KIR2DL3: variants seen among roughly 807,000 people sequenced by gnomAD.
KIR2DL3 encodes the protein killer cell immunoglobulin-like receptor 2DL3.
In KIR2DL3, 39 loss-of-function variants were observed where a neutral mutation model predicts 33.8. The observed-to-expected ratio is 1.15, with a 90% confidence interval of 0.89 to 1.51. KIR2DL3 has a LOEUF of 1.51. Among genes scored for constraint, KIR2DL3 ranks in the 40% most tolerant of loss-of-function variants. The pLI, the probability that KIR2DL3 is intolerant of heterozygous loss-of-function variation, is 0.00. For missense variants in KIR2DL3, 462 were observed against 426.2 expected (o/e 1.08, Z -0.74); for synonymous variants, 174 against 160.2 (o/e 1.09, Z -0.65).
chr19:54,752,333 C>A lies in KIR2DL3; in HGVS notation c.874-34C>A, dbSNP rs1209931054. On this transcript the variant is annotated intron_variant, in intron 7 of 7. Coordinates refer to ENST00000342376, the MANE Select transcript of KIR2DL3 (RefSeq NM_015868.3). ...CCCAAAGAGTCCTGGAAAATGTGAG[C>A]ACCCTCCCTCACTCAGCATTTCCCT... The A allele has an allele frequency of 7.4e-6, 11 of 1,480,222 alleles. 3 individuals carry two copies. The highest frequency in any genetic ancestry group is 7.4e-6 in the Non-Finnish European group (8 of 1,084,674). The allele number at this position is 1,480,222 out of a possible 1,614,324, so 91.7% of individuals were successfully genotyped here.
At chr19:54,739,689 C>G (rs2070641832) in intron 2 of KIR2DL3, 147 bp downstream of exon 2, 3 of 1,373,220 alleles carry the variant, frequency 2.2e-6, no homozygotes, top group Admixed American at 1.8e-5. Flanking sequence ...CCTCGCCTCC[C>G]TGGCCTCTCA....
At chr19:54,747,959 G>A (rs2072818721) in intron 5 of KIR2DL3, among the ~76,000 whole-genome samples, 1 of 152,150 alleles carries the variant, frequency 6.6e-6, no homozygotes, top group South Asian at 2.1e-4. Flanking sequence ...AAGATTCGTG[G>A]GTGAAAACAA....
chr19:54,739,312 G>A lies in KIR2DL3; in HGVS notation c.35-195G>A, dbSNP rs13344481. Reference sequence around the variant, plus strand: ...AGCCTGGAGTGGAGATATGGGCTTGGGGTGGGGATATGGGCCTGGAAACTG... The same window carrying A: ...AGCCTGGAGTGGAGATATGGGCTTGAGGTGGGGATATGGGCCTGGAAACTG... On this transcript the variant is annotated intron_variant, in intron 1 of 7. Coordinates refer to ENST00000342376, the MANE Select transcript of KIR2DL3 (RefSeq NM_015868.3). Among the ~76,000 whole-genome samples the A allele has an allele frequency of 2.1e-5, 3 of 144,214 alleles. No individual in the cohort carries two copies. In the Admixed American group the frequency reaches 2.1e-4, roughly 10 times the overall value. 94.6% of individuals were successfully genotyped at this position (144,214 alleles called of 152,430 possible). A position where few individuals can be genotyped will look rare whatever the true frequency, so the allele number is the denominator to read the frequency against.
intron 5 of KIR2DL3, among the ~76,000 whole-genome samples, chr19:54,747,937 A>G (rs2072816294): frequency 6.6e-6 from 1 of 152,200 alleles, no homozygotes. Flanking sequence ...TGTTGCCATA[A>G]CAAATTTCCA....
At chr19:54,740,631 C>A (rs2070872340) in intron 2 of KIR2DL3, among the ~76,000 whole-genome samples, 1 of 151,556 alleles carries the variant, frequency 6.6e-6, no homozygotes, top group African/African-American at 2.4e-5. Flanking sequence ...CCTTGAGGGT[C>A]CCATCACGCA....
At chr19:54,741,028 T>A (rs2070980197) in intron 2 of KIR2DL3, among the ~76,000 whole-genome samples, 1 of 151,748 alleles carries the variant, frequency 6.6e-6, no homozygotes, top group African/African-American at 2.4e-5. Flanking sequence ...TGCAGATGCC[T>A]TGATTTTAGC....
chr19:54,739,554 T>A lies in KIR2DL3; in HGVS notation c.70+12T>A. On this transcript the variant is annotated intron_variant, in intron 2 of 7. Transcript: ENST00000342376. ...CTGGCCACATGAGGGTGAGTCCTTC[T>A]CCAAACCTTCGGGTGTCATCTCCCC... The A allele has an allele frequency of 6.2e-7, 1 of 1,613,936 alleles. No individual in the cohort carries two copies. The highest frequency in any genetic ancestry group is 8.5e-7 in the Non-Finnish European group (1 of 1,179,888).
intron 1 of KIR2DL3, among the ~76,000 whole-genome samples, chr19:54,739,128 A>G (rs2070454386): frequency 7.1e-6 from 1 of 141,498 alleles, no homozygotes; most frequent in Admixed American, 7.0e-5. Context: ...CTGGGTGTGG[A>G]GATATGGGAC....
At chr19:54,747,306 C>G in intron 4 of KIR2DL3, 29 bp from the exon 5 acceptor site, 2 of 1,609,274 alleles carry the variant, frequency 1.2e-6, no homozygotes, top group Non-Finnish European at 1.7e-6. Context: ...ACCCTCATTT[C>G]CTCACCTCTC....
intron 5 of KIR2DL3, among the ~76,000 whole-genome samples, chr19:54,748,746 C>G (rs1217954134): frequency 1.4e-5 from 2 of 144,124 alleles, no homozygotes; most frequent in East Asian, 3.9e-4. Context: ...CTCCGCCTCT[C>G]GAGTAGCTGG....
Position 54,752,275 on chromosome 19 carries a change from G to C in KIR2DL3, c.873+7G>C. ...CAGAACAGTGAACAGGGAGGTAGGTGCTCCTCGGCCCAGCCTCGTGGCTAG... is the reference window on the plus strand; with the variant it reads ...CAGAACAGTGAACAGGGAGGTAGGTCCTCCTCGGCCCAGCCTCGTGGCTAG... On this transcript the variant is annotated splice_region_variant and intron_variant, in intron 7 of 7. Transcript: ENST00000342376. 1.3e-6 allele frequency: 2 copies of C among 1,484,442 alleles called. 1 individual carries two copies. Among genetic ancestry groups the C allele is most frequent in the Non-Finnish European group, 1.8e-6 (2 of 1,087,384 alleles). The allele number at this position is 1,484,442 out of a possible 1,614,324, so 92.0% of individuals were successfully genotyped here.
At position 54,751,749 on chromosome 19, in the gene KIR2DL3, A is replaced by T. The variant is rs765522197; in HGVS notation, c.816A>T (p.Lys272Asn). ...TCCTTCATCGCTGGTGCTGCAACAA[A>T]AAAAGTAAGTCTCACGAAGCAGAGG... Reference protein sequence around the residue: ...FFLLHRWCCNKKNAVVMDQEP... With the variant: ...FFLLHRWCCNNKNAVVMDQEP... The change falls in exon 6 of 8, where the codon AAA becomes AAT. Residue 272 changes from lysine to asparagine, a missense_variant. By Grantham distance (94) the Lys-to-Asn change is moderately conservative. Coordinates refer to ENST00000342376, the MANE Select transcript of KIR2DL3 (RefSeq NM_015868.3). 3.1e-5 allele frequency: 45 copies of T among 1,465,154 alleles called. 7 individuals are homozygous for T. In the South Asian group the frequency reaches 5.8e-4, roughly 19 times the overall value. The allele number at this position is 1,465,154 out of a possible 1,614,324, so 90.8% of individuals were successfully genotyped here. A position where few individuals can be genotyped will look rare whatever the true frequency, so the allele number is the denominator to read the frequency against.
At chr19:54,744,921 C>CATATATAT (rs1177112432) in intron 4 of KIR2DL3, among the ~76,000 whole-genome samples, 68 of 25,248 alleles carry the variant, frequency 2.7e-3, no homozygotes, top group East Asian at 6.5e-3. Context: ...CATATATAAA[C>CATATATAT]ATATATATAT....
In KIR2DL3 at chr19:54,751,830, C is replaced by T. The variant is rs2073491226; in HGVS notation, c.820+77C>T. 5.8e-6 allele frequency: 7 copies of T among 1,203,212 alleles called. 2 individuals are homozygous for T. In the South Asian group the frequency reaches 8.8e-5, roughly 15 times the overall value. 74.5% of individuals were successfully genotyped at this position (1,203,212 alleles called of 1,614,324 possible). On this transcript the variant is annotated intron_variant, in intron 6 of 7. Coordinates refer to ENST00000342376, the MANE Select transcript of KIR2DL3 (RefSeq NM_015868.3). ...GGATGGGAGCACTCAGGTGTGTGTT[C>T]CTCACAGACAGGATGGTCCCTGGCC...
chr19:54,750,694 C>A (rs2073287884), intron 5 of KIR2DL3, among the ~76,000 whole-genome samples: 1 of 138,240 alleles, frequency 7.2e-6, no homozygotes, highest in Admixed American at 7.5e-5. Flanking sequence ...CTCACCGTCA[C>A]TCCAGGGAGA....
rs1028195544 is a variant in KIR2DL3, at chr19:54,751,289, A to T, written c.716-360A>T. Among the ~76,000 whole-genome samples the T allele has an allele frequency of 1.3e-4, 17 of 131,116 alleles. 1 individual carries two copies. The East Asian group carries it at 3.2e-3, about 25-fold the overall frequency. 86.0% of individuals were successfully genotyped at this position (131,116 alleles called of 152,430 possible). ...TGAACAACCAGCTCTCCAGGAACTA[A>T]TAGAAGGGGAACTTGCTAACCCCGT... On this transcript the variant is annotated intron_variant, in intron 5 of 7. Transcript: ENST00000342376.
intron 2 of KIR2DL3, among the ~76,000 whole-genome samples, chr19:54,741,341 ATAAT>A (rs1186570029): frequency 6.6e-6 from 1 of 150,462 alleles, no homozygotes; most frequent in Non-Finnish European, 1.5e-5. Context: ...CTCTGTCTCC[ATAAT>A]TAATTAATTA....
At chr19:54,738,890 A>AG (rs1402685750) in intron 1 of KIR2DL3, among the ~76,000 whole-genome samples, 1 of 69,348 alleles carries the variant, frequency 1.4e-5, no homozygotes, top group South Asian at 6.2e-4. Context: ...ATGGGCCTGG[A>AG]GTGGAGATAT....
At chr19:54,748,226 C>A (rs1325537535) in intron 5 of KIR2DL3, among the ~76,000 whole-genome samples, 4 of 151,898 alleles carry the variant, frequency 2.6e-5, no homozygotes, top group African/African-American at 9.7e-5. Flanking sequence ...ACCTCTTTCT[C>A]TGAATGCTGC....
Sources: gnomAD v4.1 joint callset for allele counts (sites outside exome capture counted in the v4.1 genomes callset) on GRCh38, gnomAD v4.1.1 for gene constraint, MANE v1.5 for transcripts, NCBI Gene and HGNC (gene_info 2026-07-23, HGNC 2026-07-21) for gene names.